PPIF: variants seen among roughly 807,000 people sequenced by gnomAD.
PPIF encodes peptidylprolyl isomerase F, also known as peptidyl-prolyl cis-trans isomerase F, mitochondrial.
PPIF carries 23 observed loss-of-function variants against 20.2 expected under a neutral mutation model. That is an observed-to-expected ratio of 1.14 (90% confidence interval 0.82 to 1.61). The LOEUF (loss-of-function observed/expected upper bound fraction) is 1.61, where lower values mean the gene tolerates loss of function less well. PPIF is among the 40% of genes most tolerant of loss of function. The pLI is 0.00. For missense variants in PPIF, 287 were observed against 291.6 expected (o/e 0.98, Z 0.11); for synonymous variants, 113 against 123.1 (o/e 0.92, Z 0.54).
At chr10:79,349,625 G>T in intron 2 of PPIF, 40 bp from the exon 3 acceptor site, 1 of 1,611,420 alleles carries the variant, frequency 6.2e-7, no homozygotes. Flanking sequence ...CTGGAATTGG[G>T]GCCTGGCCCT....
rs1300743843 is a variant in PPIF, at chr10:79,347,573, C to G, written c.25C>G (p.Arg9Gly). The G allele has an allele frequency of 2.2e-6, 3 of 1,368,416 alleles. No individual in the cohort carries two copies. In the East Asian group the frequency reaches 9.3e-5, roughly 42 times the overall value. 84.8% of individuals were successfully genotyped at this position (1,368,416 alleles called of 1,614,324 possible). Residue 9 changes from arginine to glycine, a missense_variant, in exon 1 of 6, where the codon CGC becomes GGC. Arg to Gly is a moderately radical substitution (Grantham distance 125). Transcript: ENST00000225174. MLALRCGS[R>G]WLGLLSVPRS... Reference sequence around the variant, plus strand: ...GATGCTGGCGCTGCGCTGCGGCTCCCGCTGGCTCGGCCTGCTCTCCGTCCC... The same window carrying G: ...GATGCTGGCGCTGCGCTGCGGCTCCGGCTGGCTCGGCCTGCTCTCCGTCCC...
intron 3 of PPIF, among the ~76,000 whole-genome samples, chr10:79,350,780 G>A (rs113763504): frequency 0.015 from 2,296 of 152,316 alleles, 31 homozygotes; most frequent in Non-Finnish European, 0.025. Context: ...ATTGACACCT[G>A]TGGATGCTTC....
intron 1 of PPIF, among the ~76,000 whole-genome samples, chr10:79,348,728 T>G (rs2132150140): frequency 6.6e-6 from 1 of 152,288 alleles, no homozygotes; most frequent in African/African-American, 2.4e-5. Context: ...GGAGCTGGTC[T>G]GGCTTCTACC....
intron 4 of PPIF, among the ~76,000 whole-genome samples, chr10:79,351,955 C>T (rs1855987964): frequency 6.6e-6 from 1 of 152,194 alleles, no homozygotes; most frequent in South Asian, 2.1e-4. Flanking sequence ...AGATAAAAAG[C>T]AAATGGTTTG....
Position 79,347,575 on chromosome 10 carries a change from C to A in PPIF, c.27C>A (p.Arg9=). The change falls in exon 1 of 6, where the codon CGC becomes CGA. Residue 9 remains arginine, a synonymous_variant. Coordinates refer to ENST00000225174, the MANE Select transcript of PPIF (RefSeq NM_005729.4). The stretch of plus-strand genomic sequence containing the variant: ...TGCTGGCGCTGCGCTGCGGCTCCCG[C>A]TGGCTCGGCCTGCTCTCCGTCCCGC... MLALRCGS[R]WLGLLSVPRS... is the part of the protein sequence containing the mutation. 1 of 1,370,220 alleles carries A rather than the reference C, an allele frequency of 7.3e-7. No individual in the cohort carries two copies. Among genetic ancestry groups the A allele is most frequent in the Non-Finnish European group, 9.4e-7 (1 of 1,061,250 alleles). The allele number at this position is 1,370,220 out of a possible 1,614,324, so 84.9% of individuals were successfully genotyped here.
At chr10:79,353,538 T>G in intron 5 of PPIF, 169 bp from the exon 6 acceptor site, 3 of 1,169,636 alleles carry the variant, frequency 2.6e-6, no homozygotes, top group East Asian at 2.5e-5. Flanking sequence ...CTCTGGGGTG[T>G]ATTTGGGGCG....
At chr10:79,350,065 C>A in intron 3 of PPIF, 1 of 391,462 alleles carries the variant, frequency 2.6e-6, no homozygotes, top group Non-Finnish European at 4.8e-6. Context: ...CCAGCATATT[C>A]CAGTGGTCTC....
chr10:79,352,410 G>A lies in PPIF; in HGVS notation c.488+18G>A, dbSNP rs1197030505. On this transcript the variant is annotated intron_variant, in intron 5 of 5. Transcript: ENST00000225174. ...ACAGACTGGTGAGTTCCCTGCCCCAGGCCCTCTGGGAATGCGGGCAGCCTT... is the reference window on the plus strand; with the variant it reads ...ACAGACTGGTGAGTTCCCTGCCCCAAGCCCTCTGGGAATGCGGGCAGCCTT... The A allele has an allele frequency of 6.2e-7, 1 of 1,609,148 alleles. No homozygotes were observed. The highest frequency in any genetic ancestry group is 8.5e-7 in the Non-Finnish European group (1 of 1,175,466).
At chr10:79,350,767 C>T (rs796190171) in intron 3 of PPIF, among the ~76,000 whole-genome samples, 11 of 152,336 alleles carry the variant, frequency 7.2e-5, no homozygotes, top group African/African-American at 2.6e-4. Context: ...TAGGGAGCAC[C>T]TAATTGACAC....
Position 79,347,482 on chromosome 10 carries a change from G to T in PPIF, c.-67G>T. The T allele has an allele frequency of 8.0e-7, 1 of 1,252,214 alleles. No homozygotes were observed. The highest frequency in any genetic ancestry group is 1.0e-6 in the Non-Finnish European group (1 of 999,070). 77.6% of individuals were successfully genotyped at this position (1,252,214 alleles called of 1,614,324 possible). On this transcript the variant is annotated 5_prime_UTR_variant, in exon 1 of 6. Coordinates refer to ENST00000225174, the MANE Select transcript of PPIF (RefSeq NM_005729.4). ...CGGCTGCGCGGGACTCGGCCTTCTG[G>T]GCGCGCGCGACGTCAGTTTGAGTTC...
At chr10:79,348,986 C>T (rs972883002) in intron 1 of PPIF, 90 bp from the exon 2 acceptor site, 2 of 1,612,040 alleles carry the variant, frequency 1.2e-6, no homozygotes, top group Non-Finnish European at 8.5e-7. Flanking sequence ...CCTCCTTGGC[C>T]ACTGTGGGGG....
Position 79,349,772 on chromosome 10 carries a change from C to T in PPIF, c.315+19C>T. 1 of 1,613,748 alleles carries T rather than the reference C, an allele frequency of 6.2e-7. No individual in the cohort carries two copies. Among genetic ancestry groups the T allele is most frequent in the Non-Finnish European group, 8.5e-7 (1 of 1,179,958 alleles). ...GTGCCAGGTAATGTAGTTTCCTCTT[C>T]TGTAAGGGGGGATGAGAGCAGGAGC... On this transcript the variant is annotated intron_variant, in intron 3 of 5. Transcript: ENST00000225174.
intron 1 of PPIF, 61 bp from the exon 2 acceptor site, chr10:79,349,015 C>T: frequency 6.2e-7 from 1 of 1,613,110 alleles, no homozygotes. Context: ...TGCTGAGAGA[C>T]ACCCACCTTC....
At chr10:79,349,844 C>CAG (rs1855956941) in intron 3 of PPIF, 91 bp downstream of exon 3, 1 of 1,577,562 alleles carries the variant, frequency 6.3e-7, no homozygotes, top group East Asian at 2.3e-5. Flanking sequence ...AGGTGCTGAG[C>CAG]AGAGCAGCTG....
In PPIF at chr10:79,352,403, T is replaced by C; in HGVS notation, c.488+11T>C. The C allele has an allele frequency of 1.2e-6, 2 of 1,611,920 alleles. No individual in the cohort carries two copies. The highest frequency in any genetic ancestry group is 1.7e-6 in the Non-Finnish European group (2 of 1,177,956). ...CATAAAGACAGACTGGTGAGTTCCC[T>C]GCCCCAGGCCCTCTGGGAATGCGGG... On this transcript the variant is annotated intron_variant, in intron 5 of 5. Coordinates refer to ENST00000225174, the MANE Select transcript of PPIF (RefSeq NM_005729.4).
chr10:79,349,285 A>T lies in PPIF; in HGVS notation c.226+179A>T, dbSNP rs561758050. Among the ~76,000 whole-genome samples, 12 of 152,354 alleles carry T rather than the reference A, an allele frequency of 7.9e-5. No homozygotes were observed. In the East Asian group the frequency reaches 1.7e-3, roughly 22 times the overall value. ...CCCTGCCATCCCTCTCTGGGCCTCA[A>T]CGTTGGCTCTGCCCTCCTCTCTCAT... On this transcript the variant is annotated intron_variant, in intron 2 of 5. Coordinates refer to ENST00000225174, the MANE Select transcript of PPIF (RefSeq NM_005729.4).
chr10:79,347,999 G>A (rs1286410643), intron 1 of PPIF, among the ~76,000 whole-genome samples: 1 of 152,140 alleles, frequency 6.6e-6, no homozygotes, highest in African/African-American at 2.4e-5. Flanking sequence ...CAGAGAGGGA[G>A]GGCTCAGCAC....
At position 79,347,547 on chromosome 10, in the gene PPIF, C is replaced by A; in HGVS notation, c.-2C>A. Reference sequence around the variant, plus strand: ...CCGTGTCCCGCCCGACCCGCGCCCGCGATGCTGGCGCTGCGCTGCGGCTCC... The same window carrying A: ...CCGTGTCCCGCCCGACCCGCGCCCGAGATGCTGGCGCTGCGCTGCGGCTCC... On this transcript the variant is annotated 5_prime_UTR_variant, in exon 1 of 6. Transcript: ENST00000225174. 1 of 1,303,354 alleles carries A rather than the reference C, an allele frequency of 7.7e-7. No individual in the cohort carries two copies. Among genetic ancestry groups the A allele is most frequent in the Non-Finnish European group, 9.7e-7 (1 of 1,030,820 alleles). The allele number at this position is 1,303,354 out of a possible 1,614,324, so 80.7% of individuals were successfully genotyped here.
At chr10:79,349,526 A>C in intron 2 of PPIF, 139 bp from the exon 3 acceptor site, 1 of 1,458,310 alleles carries the variant, frequency 6.9e-7, no homozygotes. Flanking sequence ...CGAGTTGGGC[A>C]GAGCAGACCC....
Sources: allele counts gnomAD v4.1 joint callset (sites outside exome capture counted in the v4.1 genomes callset), GRCh38; gene constraint gnomAD v4.1.1; transcripts MANE v1.5; gene names NCBI Gene and HGNC (gene_info 2026-07-23, HGNC 2026-07-21).